SDCCAG8: variants seen among roughly 807,000 people sequenced by gnomAD.
SDCCAG8 encodes serologically defined colon cancer antigen 8.
A neutral mutation model predicts 101.8 loss-of-function variants in SDCCAG8; 74 were observed. That is an observed-to-expected ratio of 0.73 (90% CI 0.60 to 0.88). The LOEUF (loss-of-function observed/expected upper bound fraction) is 0.88. Ranked by LOEUF, SDCCAG8 falls within the 40% of genes least tolerant of loss-of-function variation. The probability of loss-of-function intolerance (pLI) is 0.00; values close to 1 mark genes in which losing one functional copy is unlikely to be tolerated. For synonymous variants in SDCCAG8, 281 were observed against 292.9 expected (o/e 0.96, Z 0.41); for missense variants, 787 against 822.6 (o/e 0.96, Z 0.53).
At chr1:243,466,078 T>G (rs909846817) in intron 16 of SDCCAG8, among the ~76,000 whole-genome samples, 7 of 152,224 alleles carry the variant, frequency 4.6e-5, no homozygotes, top group Non-Finnish European at 8.8e-5. Flanking sequence ...CAATGCGCTA[T>G]GAGCTAGTCT....
At chr1:243,367,219 T>C (rs1259707692) in intron 12 of SDCCAG8, among the ~76,000 whole-genome samples, 1 of 152,156 alleles carries the variant, frequency 6.6e-6, no homozygotes, top group Non-Finnish European at 1.5e-5. Flanking sequence ...TACCAGCTTT[T>C]ATACTTTTTA....
intron 6 of SDCCAG8, among the ~76,000 whole-genome samples, chr1:243,300,143 G>A (rs148763430): frequency 7.2e-5 from 11 of 151,914 alleles, no homozygotes; most frequent in African/African-American, 2.4e-4. Context: ...GATTACAGGC[G>A]TGAGCCACTG....
intron 4 of SDCCAG8, among the ~76,000 whole-genome samples, chr1:243,282,240 G>A (rs1389550388): frequency 6.6e-6 from 1 of 151,272 alleles, no homozygotes; most frequent in Non-Finnish European, 1.5e-5. Context: ...GTTGATTGAT[G>A]CTGTTGTTAT....
rs569825410 is a variant in SDCCAG8, at chr1:243,389,159, C to CA, written c.1616+10306dup. 9.3e-4 allele frequency among the ~76,000 whole-genome samples: 132 copies of CA among 142,626 alleles called. 2 individuals are homozygous for CA. The highest frequency in any genetic ancestry group is 2.8e-3 in the African/African-American group (107 of 37,810). The allele number at this position is 142,626 out of a possible 152,430, so 93.6% of individuals were successfully genotyped here. A position where few individuals can be genotyped will look rare whatever the true frequency, so the allele number is the denominator to read the frequency against. On this transcript the variant is annotated intron_variant, in intron 13 of 17. Coordinates refer to ENST00000366541, the MANE Select transcript of SDCCAG8 (RefSeq NM_006642.5). ...GAGACTCTGTCCCCCCTCCCCCCCC[C>CA]AAAAAAAAAATAATAAATAAAAATG...
At chr1:243,313,296 G>A (rs544027144) in intron 8 of SDCCAG8, among the ~76,000 whole-genome samples, 1 of 152,222 alleles carries the variant, frequency 6.6e-6, no homozygotes, top group South Asian at 2.1e-4. Flanking sequence ...AATAATAACT[G>A]GAGTAATTTA....
chr1:243,404,655 A>G (rs780124322), intron 13 of SDCCAG8, among the ~76,000 whole-genome samples: 1 of 152,094 alleles, frequency 6.6e-6, no homozygotes, highest in Non-Finnish European at 1.5e-5. Context: ...GCAAAGACGG[A>G]GAGGTTACAG....
intron 13 of SDCCAG8, among the ~76,000 whole-genome samples, chr1:243,405,224 C>T (rs780941219): frequency 3.9e-5 from 6 of 152,142 alleles, no homozygotes; most frequent in African/African-American, 7.2e-5. Flanking sequence ...TAAATTAAAA[C>T]GTACTTTTAA....
chr1:243,423,160 G>A (rs1206605119), intron 15 of SDCCAG8, among the ~76,000 whole-genome samples: 1 of 152,022 alleles, frequency 6.6e-6, no homozygotes, highest in African/African-American at 2.4e-5. Context: ...AAAATGTGAA[G>A]CAGAAAAAAA....
chr1:243,383,904 T>C (rs571315717), intron 13 of SDCCAG8, among the ~76,000 whole-genome samples: 29 of 152,312 alleles, frequency 1.9e-4, no homozygotes, highest in African/African-American at 7.0e-4. Context: ...TGCTGTTCTC[T>C]ATACCTAGAA....
At chr1:243,345,807 A>G (rs1219555293) in intron 12 of SDCCAG8, among the ~76,000 whole-genome samples, 3 of 152,248 alleles carry the variant, frequency 2.0e-5, no homozygotes, top group African/African-American at 7.2e-5. Context: ...AAGTATTTGC[A>G]GTATTAAATC....
rs1221882514 is a variant in SDCCAG8 at position 243,480,774 on chromosome 1, GGGATGGATGGATGGGTGGGATGGAT to G, written c.1986-8200_1986-8176del. 3.3e-3 allele frequency among the ~76,000 whole-genome samples: 411 copies of G among 124,498 alleles called. 18 individuals are homozygous for G. The highest frequency in any genetic ancestry group is 5.0e-3 in the Non-Finnish European group (294 of 59,016). The allele number at this position is 124,498 out of a possible 152,430, so 81.7% of individuals were successfully genotyped here. ...ATGGGGGATGGATGGATGGATGGGT[GGGATGGATGGATGGGTGGGATGGAT>G]GGATGGATGGATGGGTGGGATGGAT... On this transcript the variant is annotated intron_variant, in intron 16 of 17. Coordinates refer to ENST00000366541, the MANE Select transcript of SDCCAG8 (RefSeq NM_006642.5).
At chr1:243,342,414 G>T (rs1394256204) in intron 11 of SDCCAG8, among the ~76,000 whole-genome samples, 2 of 152,202 alleles carry the variant, frequency 1.3e-5, no homozygotes, top group Non-Finnish European at 2.9e-5. Flanking sequence ...ATTTGAAATA[G>T]AATTTGAGTG....
At chr1:243,480,101 T>C (rs3006918) in intron 16 of SDCCAG8, among the ~76,000 whole-genome samples, 37,400 of 150,314 alleles carry the variant, frequency 0.25, 5,041 homozygotes, top group East Asian at 0.43. Flanking sequence ...ATTAGAGCTA[T>C]AAGTAATCAT....
At position 243,361,440 on chromosome 1, in the gene SDCCAG8, A is replaced by T. The variant is rs539612937; in HGVS notation, c.1473+17109A>T. 3.3e-5 allele frequency among the ~76,000 whole-genome samples: 5 copies of T among 152,394 alleles called. No homozygotes were observed. The South Asian group carries it at 1.0e-3, about 32-fold the overall frequency. Reference sequence around the variant, plus strand: ...TCATACTCAACACATTTGCGAAAGCAAAACGTGAATTGCATTGCATTGCAT... The same window carrying T: ...TCATACTCAACACATTTGCGAAAGCTAAACGTGAATTGCATTGCATTGCAT... On this transcript the variant is annotated intron_variant, in intron 12 of 17. Coordinates refer to ENST00000366541, the MANE Select transcript of SDCCAG8 (RefSeq NM_006642.5).
chr1:243,342,613 G>A (rs777734434), intron 11 of SDCCAG8, among the ~76,000 whole-genome samples: 1 of 152,068 alleles, frequency 6.6e-6, no homozygotes, highest in Non-Finnish European at 1.5e-5. Flanking sequence ...TTATCAGTTC[G>A]GGGTTTTATT....
intron 8 of SDCCAG8, among the ~76,000 whole-genome samples, chr1:243,310,588 G>A (rs2072626392): frequency 6.6e-6 from 1 of 152,068 alleles, no homozygotes; most frequent in African/African-American, 2.4e-5. Flanking sequence ...GTGGGTTATA[G>A]TCCTAAGGAT....
intron 13 of SDCCAG8, among the ~76,000 whole-genome samples, chr1:243,393,377 G>A (rs534950820): frequency 6.6e-6 from 1 of 152,218 alleles, no homozygotes; most frequent in Admixed American, 6.5e-5. Flanking sequence ...CAGCTGGGAA[G>A]ACTGACCACA....
chr1:243,407,196 G>A (rs1271894259), intron 13 of SDCCAG8, among the ~76,000 whole-genome samples: 2 of 152,190 alleles, frequency 1.3e-5, no homozygotes, highest in African/African-American at 2.4e-5. Flanking sequence ...TCCACTGTTT[G>A]ATTAAACAAA....
chr1:243,337,522 T>C (rs2075092657), intron 10 of SDCCAG8, among the ~76,000 whole-genome samples: 1 of 152,194 alleles, frequency 6.6e-6, no homozygotes, highest in African/African-American at 2.4e-5. Flanking sequence ...AAAGTGGTTT[T>C]GGAGTAAAAG....
Sources: gnomAD v4.1 joint callset for allele counts (sites outside exome capture counted in the v4.1 genomes callset) on GRCh38, gnomAD v4.1.1 for gene constraint, MANE v1.5 for transcripts, NCBI Gene and HGNC (gene_info 2026-07-23, HGNC 2026-07-21) for gene names.